NUMA1: variants seen among roughly 807,000 people sequenced by gnomAD.
NUMA1 encodes the protein SP-H antigen.
In NUMA1, 62 loss-of-function variants were observed where a neutral mutation model predicts 237.1. The ratio of observed to expected loss-of-function variants is 0.26; its 90% CI spans 0.21 to 0.32. NUMA1 has a LOEUF of 0.32. Ranked by LOEUF, NUMA1 falls within the 10% of genes least tolerant of loss-of-function variation. The probability of loss-of-function intolerance (pLI) is 1.00; values close to 1 mark genes in which losing one functional copy is unlikely to be tolerated. For missense variants in NUMA1, 2,533 were observed against 2,666.5 expected (o/e 0.95, Z 1.10); for synonymous variants, 1,028 against 1,066.1 (o/e 0.96, Z 0.70).
chr11:72,013,786 G>A lies in NUMA1; in HGVS notation c.3717C>T (p.Arg1239=), dbSNP rs1398593900. 1.2e-6 allele frequency: 2 copies of A among 1,609,930 alleles called. No individual in the cohort carries two copies. Among genetic ancestry groups the A allele is most frequent in the South Asian group, 2.2e-5 (2 of 91,074 alleles). ...TCTCCCCCTCCTTCTCCAGGACCTG[G>A]CGATTCAGGATGGACACCTCCTCCT... is the stretch of plus-strand genomic sequence containing the variant. The part of the protein sequence containing the change: ...SLEEEVSILN[R]QVLEKEGESK... The change falls in exon 15 of 27, where the codon CGC becomes CGT. Residue 1239 remains arginine, a synonymous_variant. Coordinates refer to ENST00000393695, the MANE Select transcript of NUMA1 (RefSeq NM_006185.4). This position sits in a 1 kb window ranked among gnomAD's most constrained non-coding sequence, Gnocchi z 6.8.
chr11:72,026,249 T>G (rs910034738), intron 4 of NUMA1, among the ~76,000 whole-genome samples: 1 of 152,246 alleles, frequency 6.6e-6, no homozygotes, highest in African/African-American at 2.4e-5. Context: ...ATGCCTCGGC[T>G]GTCCTCCAGG....
At chr11:72,064,106 C>A (rs1253660289) in intron 2 of NUMA1, among the ~76,000 whole-genome samples, 1 of 151,960 alleles carries the variant, frequency 6.6e-6, no homozygotes, top group Non-Finnish European at 1.5e-5. Flanking sequence ...CTAACAATAA[C>A]TTAAATTATG....
intron 4 of NUMA1, 55 bp downstream of exon 4, chr11:72,029,150 A>AC: frequency 7.7e-7 from 1 of 1,299,520 alleles, no homozygotes; most frequent in South Asian, 1.2e-5. Flanking sequence ...TACAGCCCCC[A>AC]CCCCAGCAAT....
chr11:72,042,541 C>G (rs1941746704), intron 2 of NUMA1, among the ~76,000 whole-genome samples: 1 of 152,086 alleles, frequency 6.6e-6, no homozygotes, highest in Admixed American at 6.5e-5. Context: ...CAGATGGAAA[C>G]AGAGAGGTGT....
chr11:72,011,830 C>T (rs1956183143), intron 16 of NUMA1, among the ~76,000 whole-genome samples: 1 of 152,106 alleles, frequency 6.6e-6, no homozygotes, highest in South Asian at 2.1e-4. Context: ...CCCTCCTGCT[C>T]CTTCACCCTC....
chr11:72,079,975 G>A (rs1244964447), intron 1 of NUMA1, among the ~76,000 whole-genome samples: 1 of 152,024 alleles, frequency 6.6e-6, no homozygotes, highest in African/African-American at 2.4e-5. Flanking sequence ...CGTAACCCGG[G>A]CCAAGCTAAA....
chr11:72,028,377 G>A (rs10898815), intron 4 of NUMA1, among the ~76,000 whole-genome samples: 53,388 of 147,360 alleles, frequency 0.36, 11,950 homozygotes, highest in South Asian at 0.5. Context: ...TAACTGCCAC[G>A]TATGGCACAT....
chr11:72,021,046 C>G, intron 8 of NUMA1, 158 bp downstream of exon 8: 1 of 633,874 alleles, frequency 1.6e-6, no homozygotes, highest in South Asian at 1.9e-5. Context: ...ACAACATGGC[C>G]CAGAAATCGA....
chr11:72,079,665 C>A (rs1943953319), intron 1 of NUMA1, among the ~76,000 whole-genome samples: 2 of 151,014 alleles, frequency 1.3e-5, no homozygotes, highest in Admixed American at 1.3e-4. Flanking sequence ...CACTTATAGT[C>A]ATAAATTTGT....
rs747967796 is a variant in NUMA1 at position 72,012,450 on chromosome 11, T to C, written c.4609-8A>G. ...TACCTCTAGCTGCTCCACCTGTACATGGGGGAGGAGCAACAGAGACAGAGT... is the reference window on the plus strand; with the variant it reads ...TACCTCTAGCTGCTCCACCTGTACACGGGGGAGGAGCAACAGAGACAGAGT... On this transcript the variant is annotated splice_region_variant and splice_polypyrimidine_tract_variant and intron_variant, in intron 15 of 26. Coordinates refer to ENST00000393695, the MANE Select transcript of NUMA1 (RefSeq NM_006185.4). 2 of 1,612,100 alleles carry C rather than the reference T, an allele frequency of 1.2e-6. No individual in the cohort carries two copies. Among genetic ancestry groups the C allele is most frequent in the Non-Finnish European group, 1.7e-6 (2 of 1,178,894 alleles).
chr11:72,043,315 C>A (rs540935592), intron 2 of NUMA1, among the ~76,000 whole-genome samples: 8 of 149,606 alleles, frequency 5.3e-5, no homozygotes, highest in Non-Finnish European at 1.0e-4. Flanking sequence ...ATACAAAAAA[C>A]CACACAAAAA....
chr11:72,059,802 T>C (rs1369954540), intron 2 of NUMA1, among the ~76,000 whole-genome samples: 1 of 152,194 alleles, frequency 6.6e-6, no homozygotes, highest in East Asian at 1.9e-4. Flanking sequence ...GTATTTTAAA[T>C]GTCAACAGAT....
Position 72,003,030 on chromosome 11 carries a change from CAT to C in NUMA1, c.*495_*496del, listed in dbSNP as rs1355804835. ...CTGTCCCCCAACCCCACTCCTGAGA[CAT>C]AGGGCCCATCCGTCCTGGGAAAGAG... On this transcript the variant is annotated 3_prime_UTR_variant, in exon 27 of 27. Coordinates refer to ENST00000393695, the MANE Select transcript of NUMA1 (RefSeq NM_006185.4). 1 of 237,706 alleles carries C rather than the reference CAT, an allele frequency of 4.2e-6. No homozygotes were observed. The highest frequency in any genetic ancestry group is 8.3e-6 in the Non-Finnish European group (1 of 120,852). 14.7% of individuals were successfully genotyped at this position (237,706 alleles called of 1,614,324 possible).
intron 25 of NUMA1, 30 bp from the exon 26 acceptor site, chr11:72,004,129 C>T (rs753089122): frequency 1.1e-5 from 18 of 1,612,026 alleles, no homozygotes; most frequent in Middle Eastern, 1.7e-4. Flanking sequence ...GACCGGGAGA[C>T]CCAATGCTGC....
At chr11:72,027,035 T>G (rs1300593517) in intron 4 of NUMA1, among the ~76,000 whole-genome samples, 1 of 152,190 alleles carries the variant, frequency 6.6e-6, no homozygotes, top group Non-Finnish European at 1.5e-5. Context: ...TATGAAAATT[T>G]CCTAGCAGGT....
chr11:72,070,747 C>A (rs1943409294), intron 1 of NUMA1, among the ~76,000 whole-genome samples: 1 of 152,178 alleles, frequency 6.6e-6, no homozygotes, highest in East Asian at 1.9e-4. Flanking sequence ...CCAGCCTGGG[C>A]AACAGAGCGA....
intron 2 of NUMA1, chr11:72,041,263 C>G (rs564953169): frequency 6.6e-6 from 1 of 152,170 alleles, no homozygotes; most frequent in Admixed American, 6.6e-5. Context: ...AGAGGAGGGG[C>G]TGCAAAGGGG....
chr11:72,057,569 C>A (rs1019681558), intron 2 of NUMA1, among the ~76,000 whole-genome samples: 6 of 150,626 alleles, frequency 4.0e-5, no homozygotes, highest in Non-Finnish European at 8.9e-5. Flanking sequence ...CATGGTGAAA[C>A]CCCATCTCTA....
At chr11:72,022,643 C>G (rs769265904) in intron 6 of NUMA1, among the ~76,000 whole-genome samples, 26 of 151,044 alleles carry the variant, frequency 1.7e-4, no homozygotes, top group Admixed American at 5.3e-4. Context: ...CGCCAAGATT[C>G]CTGCATGGCT....
Sources: gnomAD v4.1 joint callset for allele counts (sites outside exome capture counted in the v4.1 genomes callset) on GRCh38, gnomAD v4.1.1 for gene constraint, Gnocchi (gnomAD v3.1) non-coding constraint, MANE v1.5 for transcripts, NCBI Gene and HGNC (gene_info 2026-07-23, HGNC 2026-07-21) for gene names.